The following FTO variants were observed in gnomAD, a reference collection of about 807,000 sequenced individuals.
The protein encoded by FTO is alpha-ketoglutarate-dependent dioxygenase FTO.
In FTO, 47 loss-of-function variants were observed where a neutral mutation model predicts 63.9. That is an observed-to-expected ratio of 0.74 (90% CI 0.58 to 0.94). FTO has a LOEUF of 0.94. Ranked by LOEUF, FTO falls within the 40% of genes least tolerant of loss-of-function variation. FTO has a pLI of 0.00. For missense variants in FTO, 562 were observed against 618.1 expected (o/e 0.91, Z 0.96); for synonymous variants, 207 against 224.4 (o/e 0.92, Z 0.69).
intron 1 of FTO, among the ~76,000 whole-genome samples, chr16:53,758,539 C>T (rs1490369073): frequency 6.6e-6 from 1 of 152,126 alleles, no homozygotes; most frequent in African/African-American, 2.4e-5. Flanking sequence ...GCCAGGTTTC[C>T]ATCATATCGC....
intron 5 of FTO, among the ~76,000 whole-genome samples, chr16:53,876,926 T>TCA (rs988698426): frequency 1.3e-4 from 20 of 152,076 alleles, no homozygotes; most frequent in African/African-American, 4.3e-4. Context: ...GACTCCGTCT[T>TCA]CACACACACA....
In FTO at chr16:54,111,794, C is replaced by A. The variant is rs1599385193; in HGVS notation, c.1397C>A (p.Ala466Asp). ...TCACGAATTGCCCGAACATTACCTG[C>A]TGATCAGAAGCCAGAATGTCGGCCA... ...CQSRIARTLP[A>D]DQKPECRPYW... is the part of the protein sequence containing the mutation. The change falls in exon 9 of 9, where the codon GCT becomes GAT. Residue 466 changes from alanine to aspartate, a missense_variant. Coordinates refer to ENST00000471389, the MANE Select transcript of FTO (RefSeq NM_001080432.3). 1 of 1,614,096 alleles carries A rather than the reference C, an allele frequency of 6.2e-7. No homozygotes were observed. The highest frequency in any genetic ancestry group is 1.7e-5 in the Admixed American group (1 of 60,010).
At chr16:54,063,845 G>A (rs1435194221) in intron 8 of FTO, 2 of 152,038 alleles carry the variant, frequency 1.3e-5, no homozygotes, top group Admixed American at 6.6e-5. Flanking sequence ...TCCAGCATCT[G>A]CTTCTAGAAC....
At chr16:53,748,553 C>T (rs1470534390) in intron 1 of FTO, among the ~76,000 whole-genome samples, 1 of 152,082 alleles carries the variant, frequency 6.6e-6, no homozygotes, top group South Asian at 2.1e-4. Flanking sequence ...CTCCTAGGTT[C>T]AAGCAATTCT....
At chr16:54,018,409 G>GATAGATAGATAC (rs1474063795) in intron 8 of FTO, among the ~76,000 whole-genome samples, 2,068 of 142,012 alleles carry the variant, frequency 0.015, 27 homozygotes, top group Non-Finnish European at 0.021. Context: ...TAGATAGATA[G>GATAGATAGATAC]ATACATACAT....
chr16:53,745,681 A>C (rs866961431), intron 1 of FTO, among the ~76,000 whole-genome samples: 1 of 152,182 alleles, frequency 6.6e-6, no homozygotes, highest in African/African-American at 2.4e-5. Context: ...TGTCAAAGTG[A>C]TCAGTTACCA....
intron 1 of FTO, among the ~76,000 whole-genome samples, chr16:53,754,639 A>G (rs1745662245): frequency 6.6e-6 from 1 of 151,542 alleles, no homozygotes; most frequent in South Asian, 2.1e-4. Context: ...CTTCGTCTCA[A>G]AAAAAAAAGC....
chr16:53,880,341 C>G (rs1476956916), intron 6 of FTO, among the ~76,000 whole-genome samples: 1 of 152,154 alleles, frequency 6.6e-6, no homozygotes, highest in Non-Finnish European at 1.5e-5. Context: ...ACCCTACTTG[C>G]AAGCTAACAA....
chr16:53,958,929 ACT>A (rs1178017671), intron 8 of FTO, among the ~76,000 whole-genome samples: 2 of 152,158 alleles, frequency 1.3e-5, no homozygotes, highest in African/African-American at 4.8e-5. Context: ...GGAAGCTTAA[ACT>A]CAGAAGAATA....
intron 1 of FTO, among the ~76,000 whole-genome samples, chr16:53,800,329 TTTTAAG>T (rs2078186194): frequency 3.9e-5 from 6 of 152,352 alleles, no homozygotes; most frequent in Admixed American, 3.3e-4. Flanking sequence ...TCTGTTATTA[TTTTAAG>T]TTTAACTCCA....
At chr16:54,088,797 C>A (rs192552629) in intron 8 of FTO, among the ~76,000 whole-genome samples, 21 of 152,344 alleles carry the variant, frequency 1.4e-4, no homozygotes, top group African/African-American at 4.8e-4. Context: ...CCACTGCACA[C>A]TGGGAAAATT....
At chr16:53,797,953 A>G (rs948810227) in intron 1 of FTO, among the ~76,000 whole-genome samples, 1 of 151,998 alleles carries the variant, frequency 6.6e-6, no homozygotes, top group Non-Finnish European at 1.5e-5. Flanking sequence ...AAGGTTTTAT[A>G]TTAGGTTTTA....
chr16:53,847,685 T>C (rs1006885203), intron 4 of FTO, among the ~76,000 whole-genome samples: 2 of 151,836 alleles, frequency 1.3e-5, no homozygotes, highest in Non-Finnish European at 2.9e-5. Context: ...GGAGAACTAC[T>C]TGAACCCGGG....
intron 8 of FTO, chr16:53,937,522 G>T (rs2082417209): frequency 2.8e-6 from 1 of 359,790 alleles, no homozygotes; most frequent in Admixed American, 4.7e-5. Context: ...GCAAGGACCG[G>T]GTGTCCCAGG....
At chr16:53,875,820 C>T (rs2080633800) in intron 5 of FTO, among the ~76,000 whole-genome samples, 1 of 152,240 alleles carries the variant, frequency 6.6e-6, no homozygotes, top group Admixed American at 6.5e-5. Flanking sequence ...AGAGTATGTA[C>T]AGTGCAGAAT....
At chr16:53,985,159 A>G (rs1234885289) in intron 8 of FTO, among the ~76,000 whole-genome samples, 1 of 152,228 alleles carries the variant, frequency 6.6e-6, no homozygotes, top group African/African-American at 2.4e-5. Context: ...TGACCCATTT[A>G]TAAAATACAA....
chr16:53,841,199 C>G (rs181932115), intron 3 of FTO, among the ~76,000 whole-genome samples: 2 of 151,236 alleles, frequency 1.3e-5, no homozygotes, highest in African/African-American at 2.4e-5. Context: ...GAGAAAGTTT[C>G]AGATTTCTTC....
intron 8 of FTO, among the ~76,000 whole-genome samples, chr16:54,106,687 T>G (rs1213386263): frequency 1.5e-5 from 2 of 136,792 alleles, no homozygotes; most frequent in East Asian, 4.1e-4. Flanking sequence ...ATATATAAAA[T>G]TATATAATTG....
In FTO at chr16:54,120,948, A is replaced by G. The variant is rs2144650039; in HGVS notation, c.*9033A>G. 1 of 152,604 alleles carries G rather than the reference A, an allele frequency of 6.6e-6. No individual in the cohort carries two copies. 9.5% of individuals were successfully genotyped at this position (152,604 alleles called of 1,614,324 possible). A position where few individuals can be genotyped will look rare whatever the true frequency, so the allele number is the denominator to read the frequency against. On this transcript the variant is annotated 3_prime_UTR_variant, in exon 9 of 9. Transcript: ENST00000471389. ...ATTAACGTCAAAGAGGCCAAGATGC[A>G]TCATTCAGAACACTGGCAGGTCAAG... is the stretch of plus-strand genomic sequence containing the variant.
Sources: gnomAD v4.1 joint callset for allele counts (sites outside exome capture counted in the v4.1 genomes callset) on GRCh38, gnomAD v4.1.1 for gene constraint, MANE v1.5 for transcripts, NCBI Gene and HGNC (gene_info 2026-07-23, HGNC 2026-07-21) for gene names.